The following LMF1 variants were observed in gnomAD, a reference collection of about 807,000 sequenced individuals.
The protein encoded by LMF1 is transmembrane protein 112.
A neutral mutation model predicts 60.6 loss-of-function variants in LMF1; 68 were observed. The ratio of observed to expected loss-of-function variants is 1.12; its 90% CI spans 0.92 to 1.37. The LOEUF (loss-of-function observed/expected upper bound fraction) is 1.37. Among genes scored for constraint, LMF1 ranks in the 40% most tolerant of loss-of-function variants. The probability of loss-of-function intolerance (pLI) is 0.00; values close to 1 mark genes in which losing one functional copy is unlikely to be tolerated. For synonymous variants in LMF1, 418 were observed against 324.7 expected, an observed-to-expected ratio of 1.29 and a Z score of -3.09; for missense variants, 948 against 767.2, an observed-to-expected ratio of 1.24 and a Z score of -2.78.
intron 5 of LMF1, among the ~76,000 whole-genome samples, chr16:888,583 A>G (rs1245541696): frequency 1.3e-5 from 2 of 152,198 alleles, no homozygotes; most frequent in African/African-American, 2.4e-5. Context: ...TGACCCCCAC[A>G]TTCACAACCT....
intron 2 of LMF1, 46 bp downstream of exon 2, chr16:954,311 G>A (rs1440806916): frequency 2.6e-6 from 4 of 1,567,988 alleles, no homozygotes; most frequent in African/African-American, 2.7e-5. Context: ...CCTGTGCTGA[G>A]TGACAGCAAG....
chr16:947,146 G>C (rs540728320), intron 2 of LMF1, among the ~76,000 whole-genome samples: 1 of 152,250 alleles, frequency 6.6e-6, no homozygotes, highest in Non-Finnish European at 1.5e-5. Flanking sequence ...GAGACGCCCA[G>C]GGTGGGCTCT....
At chr16:882,201 G>C (rs368088472) in intron 5 of LMF1, among the ~76,000 whole-genome samples, 2 of 152,242 alleles carry the variant, frequency 1.3e-5, no homozygotes, top group Non-Finnish European at 2.9e-5. Context: ...GGTGACAAAT[G>C]TAACAGACAT....
Position 954,643 on chromosome 16 carries a change from G to T in LMF1, c.217C>A (p.His73Asn), listed in dbSNP as rs751387702. Reference protein sequence around the residue: ...VYFVAFLVAFHQNKQLIGDRG... With the variant: ...VYFVAFLVAFNQNKQLIGDRG... The stretch of plus-strand genomic sequence containing the variant: ...TCACCGATGAGCTGCTTGTTCTGAT[G>T]GAAAGCCACCAGGAATGCCACGACT... The change falls in exon 2 of 11, where the codon CAT becomes AAT. Residue 73 changes from histidine (H) to asparagine (N), a missense_variant. Transcript: ENST00000262301. 1.9e-6 allele frequency: 3 copies of T among 1,600,656 alleles called. No homozygotes were observed. The highest frequency in any genetic ancestry group is 1.7e-6 in the Non-Finnish European group (2 of 1,171,484).
In LMF1 at chr16:892,960, C is replaced by A. The variant is rs1483108845; in HGVS notation, c.729+47G>T. ...AGCCCCGCCAAGAGTGGGAACGGGG[C>A]GGCGTGAGACCGGGTGCCCTGCCCT... is the stretch of plus-strand genomic sequence containing the variant. On this transcript the variant is annotated intron_variant, in intron 5 of 10. Coordinates refer to ENST00000262301, the MANE Select transcript of LMF1 (RefSeq NM_022773.4). 4 of 1,435,614 alleles carry A rather than the reference C, an allele frequency of 2.8e-6. No individual in the cohort carries two copies. In the South Asian group the frequency reaches 5.1e-5, roughly 18 times the overall value. 88.9% of individuals were successfully genotyped at this position (1,435,614 alleles called of 1,614,324 possible).
chr16:875,570 GA>G (rs1398754652), intron 6 of LMF1, among the ~76,000 whole-genome samples: 1 of 152,168 alleles, frequency 6.6e-6, no homozygotes, highest in Non-Finnish European at 1.5e-5. Flanking sequence ...CTTATCGGGA[GA>G]GGGGCAGTGG....
At chr16:977,260 G>C (rs914544672) in intron 1 of LMF1, among the ~76,000 whole-genome samples, 1 of 152,200 alleles carries the variant, frequency 6.6e-6, no homozygotes, top group Admixed American at 6.5e-5. Context: ...GCCAGCACCC[G>C]AGACAGTGAA....
At chr16:934,390 G>C in intron 2 of LMF1, 136 bp from the exon 3 acceptor site, 1 of 1,064,194 alleles carries the variant, frequency 9.4e-7, no homozygotes, top group Non-Finnish European at 1.4e-6. Context: ...AGGAGGACCT[G>C]CCCGCTGGGC....
intron 2 of LMF1, among the ~76,000 whole-genome samples, chr16:939,382 G>C (rs960116005): frequency 6.6e-6 from 1 of 152,114 alleles, no homozygotes; most frequent in Non-Finnish European, 1.5e-5. Context: ...ATATCCCTGC[G>C]CCACAAAGCT....
intron 2 of LMF1, among the ~76,000 whole-genome samples, chr16:941,053 A>G (rs909320832): frequency 1.3e-5 from 2 of 152,132 alleles, no homozygotes; most frequent in Admixed American, 1.3e-4. Flanking sequence ...CACCTCTGAT[A>G]ATACTCCGTG....
chr16:854,536 A>C lies in LMF1; in HGVS notation c.1700T>G (p.Leu567Arg). Residue 567 changes from leucine to arginine, a missense_variant, in exon 11 of 11, where the codon CTC becomes CGC. Transcript: ENST00000262301. ...GCCTTTATTTCTGGTGCACGTCTAG[A>C]GGGGCCCGGGCAGAGGCCACCCACG... ...RDRGWPLPGPL is the reference protein window; with the variant it reads ...RDRGWPLPGPR 1 of 1,607,024 alleles carries C rather than the reference A, an allele frequency of 6.2e-7. No individual in the cohort carries two copies. The highest frequency in any genetic ancestry group is 8.5e-7 in the Non-Finnish European group (1 of 1,178,822).
In LMF1 at chr16:870,760, G is replaced by C. The variant is rs1374212473; in HGVS notation, c.1201C>G (p.His401Asp). Reference protein sequence around the residue: ...QVMNTHFNSLHIVNTYGAFGS... With the variant: ...QVMNTHFNSLDIVNTYGAFGS... Reference sequence around the variant, plus strand: ...AAGGCCCCGTAAGTGTTGACGATGTGAAGAGAGTTGAAGTGGGTGTTCATG... The same window carrying C: ...AAGGCCCCGTAAGTGTTGACGATGTCAAGAGAGTTGAAGTGGGTGTTCATG... Residue 401 changes from histidine (H) to aspartate (D), a missense_variant, in exon 8 of 11, where the codon CAC becomes GAC. Coordinates refer to ENST00000262301, the MANE Select transcript of LMF1 (RefSeq NM_022773.4). 2 of 1,612,928 alleles carry C rather than the reference G, an allele frequency of 1.2e-6. No homozygotes were observed. The highest frequency in any genetic ancestry group is 1.7e-6 in the Non-Finnish European group (2 of 1,179,832).
intron 4 of LMF1, among the ~76,000 whole-genome samples, chr16:896,517 G>A (rs983544712): frequency 3.9e-5 from 6 of 152,322 alleles, no homozygotes; most frequent in East Asian, 3.9e-4. Context: ...CAAAAGCACC[G>A]GAGACTGTTT....
intron 2 of LMF1, among the ~76,000 whole-genome samples, chr16:952,977 A>C (rs1174005479): frequency 1.5e-5 from 1 of 65,292 alleles, no homozygotes; most frequent in Non-Finnish European, 2.6e-5. Context: ...ACCCCAAACC[A>C]GCCTCCTACA....
intron 10 of LMF1, 63 bp downstream of exon 10, chr16:868,881 G>A (rs898908350): frequency 1.9e-6 from 2 of 1,055,132 alleles, no homozygotes; most frequent in African/African-American, 1.6e-5. Context: ...ACAGGTGGTG[G>A]GATCCCAGCA....
At chr16:883,260 A>G (rs1263377195) in intron 5 of LMF1, among the ~76,000 whole-genome samples, 2 of 148,558 alleles carry the variant, frequency 1.3e-5, no homozygotes, top group Admixed American at 1.3e-4. Context: ...CAGGACCAGG[A>G]GAAATAGGAG....
chr16:865,798 G>T (rs1179373977), intron 10 of LMF1, among the ~76,000 whole-genome samples: 1 of 152,176 alleles, frequency 6.6e-6, no homozygotes, highest in Non-Finnish European at 1.5e-5. Context: ...TTCTGTTACA[G>T]TCTCAGTCCC....
rs1464878821 is a variant in LMF1 at position 878,740 on chromosome 16, A to C, written c.897+830T>G. Reference sequence around the variant, plus strand: ...CTGGCAGGGGTGGGCAGGGCAGGGGAAGGGCGGGGGCAGGGGCGGGCAGGG... The same window carrying C: ...CTGGCAGGGGTGGGCAGGGCAGGGGCAGGGCGGGGGCAGGGGCGGGCAGGG... On this transcript the variant is annotated intron_variant, in intron 6 of 10. Coordinates refer to ENST00000262301, the MANE Select transcript of LMF1 (RefSeq NM_022773.4). The surrounding 1 kb of genome is among the most constrained non-coding windows in gnomAD (Gnocchi z 5.2). Among the ~76,000 whole-genome samples, 44 of 103,682 alleles carry C rather than the reference A, an allele frequency of 4.2e-4. No homozygotes were observed. In the East Asian group the frequency reaches 0.014, roughly 34 times the overall value. The allele number at this position is 103,682 out of a possible 152,430, so 68.0% of individuals were successfully genotyped here.
chr16:939,631 C>T (rs1299278379), intron 2 of LMF1, among the ~76,000 whole-genome samples: 6 of 152,264 alleles, frequency 3.9e-5, no homozygotes, highest in Admixed American at 1.3e-4. Flanking sequence ...CCACTCTCCA[C>T]GCGGCCTCTG....
Sources: allele counts gnomAD v4.1 joint callset (sites outside exome capture counted in the v4.1 genomes callset), GRCh38; gene constraint gnomAD v4.1.1; non-coding constraint Gnocchi (gnomAD v3.1); transcripts MANE v1.5; gene names NCBI Gene and HGNC (gene_info 2026-07-23, HGNC 2026-07-21).